The following EFHC2 variants were observed in gnomAD, a reference collection of about 807,000 sequenced individuals.
EFHC2 encodes EF-hand domain containing 2.
A neutral mutation model predicts 52.7 loss-of-function variants in EFHC2; 18 were observed. That is an observed-to-expected ratio of 0.34 (90% CI 0.24 to 0.51). The LOEUF is 0.51. EFHC2 is among the 20% of genes least tolerant of loss of function. The pLI is 0.97. For synonymous variants in EFHC2, 203 were observed against 204.1 expected (o/e 0.99, Z 0.04); for missense variants, 513 against 562.5 (o/e 0.91, Z 0.89).
intron 1 of EFHC2, among the ~76,000 whole-genome samples, chrX:44,324,978 G>C (rs1226406298): frequency 8.9e-6 from 1 of 112,333 alleles, no homozygotes; most frequent in Admixed American, 9.4e-5. Context: ...CTTGTGAGTT[G>C]TGAATTCACA....
chrX:44,250,070 G>T (rs2037430793), intron 5 of EFHC2, 124 bp downstream of exon 5: 2 of 833,897 alleles, frequency 2.4e-6, no homozygotes, highest in South Asian at 6.8e-5. Flanking sequence ...AAAATGAAAG[G>T]TTTCTAAATA....
chrX:44,253,445 G>A (rs1390024494), intron 4 of EFHC2, among the ~76,000 whole-genome samples: 1 of 110,990 alleles, frequency 9.0e-6, no homozygotes, highest in African/African-American at 3.3e-5. Context: ...GGGGAGGGGC[G>A]TCCCCCATTA....
At position 44,250,404 on chromosome X, in the gene EFHC2, G is replaced by A. The variant is rs192376435; in HGVS notation, c.648C>T (p.Leu216=). ...ACTGGAGGAACTGTTTCAGGGTGTC[G>A]AGGGATTCGTAGGGACGTAAGGGCT... ...HVEPLRPYES[L]DTLKQFLQYH... is the part of the protein sequence containing the mutation. The change falls in exon 5 of 15, where the codon CTC becomes CTT. Residue 216 remains leucine (L), a synonymous_variant. Coordinates refer to ENST00000420999, the MANE Select transcript of EFHC2 (RefSeq NM_025184.4). 2.2e-5 allele frequency: 27 copies of A among 1,208,004 alleles called. No homozygotes were observed. The East Asian group carries it at 7.1e-4, about 32-fold the overall frequency.
intron 11 of EFHC2, among the ~76,000 whole-genome samples, chrX:44,219,768 T>C (rs1341603841): frequency 4.5e-5 from 5 of 111,749 alleles, no homozygotes; most frequent in Non-Finnish European, 9.4e-5. Context: ...AAAATAAGAA[T>C]TTTAAGTAAG....
In EFHC2 at chrX:44,334,105, T is replaced by C. The variant is rs927553183; in HGVS notation, c.42+9442A>G. On this transcript the variant is annotated intron_variant, in intron 1 of 14. Coordinates refer to ENST00000420999, the MANE Select transcript of EFHC2 (RefSeq NM_025184.4). ...AAAATTAATTTGGCTTAAACCACTG[T>C]TAGTCAGGTATTCTGTGACTTATAG... Among the ~76,000 whole-genome samples, 5 of 112,217 alleles carry C rather than the reference T, an allele frequency of 4.5e-5. No homozygotes were observed. The South Asian group carries it at 1.8e-3, about 41-fold the overall frequency.
At chrX:44,277,354 C>T (rs1265633075) in intron 2 of EFHC2, among the ~76,000 whole-genome samples, 2 of 109,349 alleles carry the variant, frequency 1.8e-5, no homozygotes, top group African/African-American at 3.3e-5. Flanking sequence ...ATAACCTCAA[C>T]ATTTTATAAA....
At chrX:44,339,910 T>C (rs2038141926) in intron 1 of EFHC2, among the ~76,000 whole-genome samples, 1 of 111,716 alleles carries the variant, frequency 9.0e-6, no homozygotes, top group Admixed American at 9.6e-5. Flanking sequence ...CCAAGGCTAG[T>C]GTAACAATTT....
At chrX:44,275,249 T>A in intron 2 of EFHC2, among the ~76,000 whole-genome samples, 1 of 111,556 alleles carries the variant, frequency 9.0e-6, no homozygotes, top group Non-Finnish European at 1.9e-5. Context: ...TTATCTTAGG[T>A]TGGGCTTCAA....
At chrX:44,187,802 T>C (rs1229270194) in intron 11 of EFHC2, among the ~76,000 whole-genome samples, 1 of 109,384 alleles carries the variant, frequency 9.1e-6, no homozygotes, top group African/African-American at 3.3e-5. Flanking sequence ...AAATGAAAAG[T>C]AAAATAAAAA....
At chrX:44,187,069 T>A (rs1490794746) in intron 11 of EFHC2, among the ~76,000 whole-genome samples, 2 of 101,581 alleles carry the variant, frequency 2.0e-5, no homozygotes, top group Non-Finnish European at 3.9e-5. Context: ...TAGTGAGCTA[T>A]GATCGTTCTG....
chrX:44,319,449 T>C (rs1225581085), intron 1 of EFHC2, among the ~76,000 whole-genome samples: 1 of 111,630 alleles, frequency 9.0e-6, no homozygotes, highest in Non-Finnish European at 1.9e-5. Flanking sequence ...TTTCCAGGGA[T>C]GCCACCCTAG....
intron 11 of EFHC2, among the ~76,000 whole-genome samples, chrX:44,210,656 C>T (rs866274422): frequency 8.9e-6 from 1 of 112,237 alleles, no homozygotes; most frequent in Non-Finnish European, 1.9e-5. Context: ...ATACTTCACA[C>T]CCATACAAAA....
intron 2 of EFHC2, among the ~76,000 whole-genome samples, chrX:44,295,412 T>C (rs1317646957): frequency 9.0e-6 from 1 of 111,259 alleles, no homozygotes; most frequent in Non-Finnish European, 1.9e-5. Context: ...GTTCGGTATG[T>C]GGGGTACTGC....
intron 4 of EFHC2, among the ~76,000 whole-genome samples, chrX:44,251,046 G>A (rs189479359): frequency 0.06 from 6,250 of 104,781 alleles, 211 homozygotes; most frequent in Admixed American, 0.12. Context: ...AGACCATCCT[G>A]ACTAACACGG....
intron 14 of EFHC2, among the ~76,000 whole-genome samples, 193 bp downstream of exon 14, chrX:44,163,728 CT>C (rs1349320765): frequency 3.6e-5 from 4 of 112,112 alleles, no homozygotes; most frequent in African/African-American, 1.3e-4. Flanking sequence ...AAAAGTCATG[CT>C]TTTACAGAGC....
chrX:44,187,970 G>GTTT (rs11405024), intron 11 of EFHC2, among the ~76,000 whole-genome samples: 4 of 91,969 alleles, frequency 4.3e-5, no homozygotes, highest in Non-Finnish European at 4.2e-5. Flanking sequence ...AAAAAAAAGT[G>GTTT]TTTTTTTTTT....
chrX:44,192,864 A>C (rs1028267443), intron 11 of EFHC2, among the ~76,000 whole-genome samples: 2 of 98,963 alleles, frequency 2.0e-5, no homozygotes, highest in Non-Finnish European at 4.3e-5. Context: ...TGAGACTCTG[A>C]TATATTTTGT....
At chrX:44,207,002 C>CA (rs1335069198) in intron 11 of EFHC2, among the ~76,000 whole-genome samples, 2 of 111,122 alleles carry the variant, frequency 1.8e-5, no homozygotes, top group African/African-American at 6.5e-5. Context: ...GGTACTTGTA[C>CA]AAAAAATAGG....
At chrX:44,151,788 T>G (rs1167855686) in intron 14 of EFHC2, among the ~76,000 whole-genome samples, 1 of 111,963 alleles carries the variant, frequency 8.9e-6, no homozygotes. Flanking sequence ...TTGAAAAACA[T>G]TTTTTAGTAG....
Sources: allele counts gnomAD v4.1 joint callset (sites outside exome capture counted in the v4.1 genomes callset), GRCh38; gene constraint gnomAD v4.1.1; transcripts MANE v1.5; gene names NCBI Gene and HGNC (gene_info 2026-07-23, HGNC 2026-07-21).